The following MYRIP variants were observed in gnomAD, a reference collection of about 807,000 sequenced individuals.
The protein encoded by MYRIP is myosin VIIA and Rab interacting protein.
Under a neutral mutation model 98.0 loss-of-function variants are expected in MYRIP, and 49 were observed. The ratio of observed to expected loss-of-function variants is 0.50; its 90% confidence interval spans 0.40 to 0.63. The LOEUF (loss-of-function observed/expected upper bound fraction) is 0.63. Ranked by LOEUF, MYRIP falls within the 30% of genes least tolerant of loss-of-function variation. MYRIP has a pLI of 0.00. For synonymous variants in MYRIP, 404 were observed against 409.5 expected (o/e 0.99, Z 0.16); for missense variants, 1,004 against 1,058.2 (o/e 0.95, Z 0.71).
In MYRIP at chr3:39,975,129, T is replaced by C. The variant is rs137992007; in HGVS notation, c.111-68921T>C. Among the ~76,000 whole-genome samples, 1,218 of 152,284 alleles carry C rather than the reference T, an allele frequency of 8.0e-3. 16 individuals carry two copies. Among genetic ancestry groups the C allele is most frequent in the African/African-American group, 0.027 (1,139 of 41,558 alleles). On this transcript the variant is annotated intron_variant, in intron 2 of 16. Coordinates refer to ENST00000302541, the MANE Select transcript of MYRIP (RefSeq NM_015460.4). ...TTGTCCCTGTTTGCAGATGACATGA[T>C]TGTATGTCTAGAAAACCCCATCGTC...
rs150649283 is a variant in MYRIP at position 39,875,126 on chromosome 3, T to C, written c.-30-25661T>C. Among the ~76,000 whole-genome samples, 1,407 of 152,256 alleles carry C rather than the reference T, an allele frequency of 9.2e-3. 26 individuals are homozygous for C. The highest frequency in any genetic ancestry group is 0.032 in the African/African-American group (1,330 of 41,562). On this transcript the variant is annotated intron_variant, in intron 1 of 16. Coordinates refer to ENST00000302541, the MANE Select transcript of MYRIP (RefSeq NM_015460.4). ...TCTTCTAGATTTTCTAATTTATTTG[T>C]GTAAAGGTGTTTGTAGTATTCTCTG... is the stretch of plus-strand genomic sequence containing the variant.
intron 2 of MYRIP, among the ~76,000 whole-genome samples, chr3:39,916,733 A>G (rs1944170819): frequency 6.6e-6 from 1 of 152,148 alleles, no homozygotes; most frequent in Non-Finnish European, 1.5e-5. Context: ...TAAATCATTT[A>G]GCTTTCATCT....
chr3:39,987,422 G>C (rs555317609), intron 2 of MYRIP, among the ~76,000 whole-genome samples: 12 of 152,244 alleles, frequency 7.9e-5, no homozygotes, highest in African/African-American at 1.2e-4. Context: ...GGGCATTTGG[G>C]TTGGCTCTAT....
intron 5 of MYRIP, among the ~76,000 whole-genome samples, chr3:40,165,229 C>T (rs766164112): frequency 1.2e-4 from 19 of 152,206 alleles, no homozygotes; most frequent in Non-Finnish European, 1.8e-4. Flanking sequence ...GTTGCCCCTA[C>T]GTGGCTCTAT....
chr3:40,224,712 A>G (rs1265281791), intron 11 of MYRIP, among the ~76,000 whole-genome samples: 1 of 152,264 alleles, frequency 6.6e-6, no homozygotes, highest in East Asian at 1.9e-4. Flanking sequence ...TTTCTTTTAT[A>G]GATGGCCTTG....
intron 2 of MYRIP, among the ~76,000 whole-genome samples, chr3:39,911,867 C>G (rs1242049885): frequency 6.6e-6 from 1 of 152,186 alleles, no homozygotes; most frequent in East Asian, 1.9e-4. Flanking sequence ...GCCTTCCCCT[C>G]CTTACTCAGC....
chr3:39,872,013 A>G (rs998307060), intron 1 of MYRIP, among the ~76,000 whole-genome samples: 1 of 152,014 alleles, frequency 6.6e-6, no homozygotes, highest in Non-Finnish European at 1.5e-5. Context: ...TATTTAAGAT[A>G]TTTTTGTATC....
chr3:40,089,149 C>T (rs1391771307), intron 3 of MYRIP, among the ~76,000 whole-genome samples: 4 of 152,058 alleles, frequency 2.6e-5, no homozygotes, highest in Admixed American at 1.3e-4. Context: ...TACAGCACAC[C>T]TAGGACTCCA....
intron 2 of MYRIP, among the ~76,000 whole-genome samples, chr3:39,957,132 C>G (rs1457516584): frequency 6.6e-6 from 1 of 151,802 alleles, no homozygotes; most frequent in African/African-American, 2.4e-5. Flanking sequence ...CCTTCTGAAA[C>G]TATTCCAATC....
intron 3 of MYRIP, among the ~76,000 whole-genome samples, chr3:40,100,850 C>T (rs1216971576): frequency 6.6e-6 from 1 of 152,154 alleles, no homozygotes; most frequent in Non-Finnish European, 1.5e-5. Flanking sequence ...CCAGGAGGGA[C>T]ATTAAGAGAT....
chr3:39,925,464 T>G (rs951953666), intron 2 of MYRIP, among the ~76,000 whole-genome samples: 6 of 151,972 alleles, frequency 3.9e-5, no homozygotes, highest in South Asian at 2.1e-4. Context: ...AATAGGGAAT[T>G]TTTCAGCCAT....
At position 40,222,832 on chromosome 3, in the gene MYRIP, C is replaced by T. The variant is rs377636287; in HGVS notation, c.1906-11027C>T. ...ACAGTTAAATGCAAAATAAAAAATC[C>T]GTTTTATTCAAAGAAAATATTCCTA... On this transcript the variant is annotated intron_variant, in intron 11 of 16. Transcript: ENST00000302541. Among the ~76,000 whole-genome samples, 7 of 152,176 alleles carry T rather than the reference C, an allele frequency of 4.6e-5. No individual in the cohort carries two copies. In the South Asian group the frequency reaches 6.2e-4, roughly 14 times the overall value.
intron 2 of MYRIP, among the ~76,000 whole-genome samples, chr3:39,944,701 G>A (rs1295115813): frequency 6.6e-6 from 1 of 152,076 alleles, no homozygotes; most frequent in Admixed American, 6.6e-5. Flanking sequence ...TTTGCAAATG[G>A]AAGCTAAGAA....
intron 3 of MYRIP, among the ~76,000 whole-genome samples, chr3:40,134,245 C>A (rs11713365): frequency 0.22 from 33,153 of 152,230 alleles, 4,309 homozygotes; most frequent in South Asian, 0.37. Context: ...TATCCCGCAC[C>A]TGGCTCGGAG....
chr3:39,855,500 CTTCCTGCGGCCACTA>C (rs1318282451), intron 1 of MYRIP, among the ~76,000 whole-genome samples: 1 of 152,064 alleles, frequency 6.6e-6, no homozygotes, highest in Non-Finnish European at 1.5e-5. Flanking sequence ...TTGGACGGGG[CTTCCTGCGGCCACTA>C]TGGGGTGTGA....
chr3:40,068,764 C>T (rs945443795), intron 3 of MYRIP, among the ~76,000 whole-genome samples: 3 of 152,176 alleles, frequency 2.0e-5, no homozygotes, highest in Non-Finnish European at 4.4e-5. Context: ...AGTTCTAACC[C>T]GTTTCCCCAT....
intron 1 of MYRIP, among the ~76,000 whole-genome samples, chr3:39,825,164 T>C (rs886683853): frequency 6.6e-6 from 1 of 152,220 alleles, no homozygotes; most frequent in African/African-American, 2.4e-5. Context: ...CTTTTTCTTT[T>C]CTATTTGGAT....
In MYRIP at chr3:40,190,033, C is replaced by G. The variant is rs749499762; in HGVS notation, c.1235C>G (p.Pro412Arg). The change falls in exon 10 of 17, where the codon CCC (proline) becomes CGC (arginine). Residue 412 changes from proline to arginine, a missense_variant. By Grantham distance (103) the Pro-to-Arg change is moderately radical (BLOSUM62 -2). Around this residue, in one of 3 missense-constraint regions of MYRIP, gnomAD observed 880 missense variants for 907.7 expected, o/e 0.97. Transcript: ENST00000302541. Reference protein sequence around the residue: ...DWSEALSKLCPRSRALPRNPQ... With the variant: ...DWSEALSKLCRRSRALPRNPQ... ...AGTGAGGCCTTGAGCAAGCTGTGTC[C>G]CAGGTCCCGGGCCCTGCCCAGGAAC... 6.2e-7 allele frequency: 1 copy of G among 1,614,072 alleles called. No homozygotes were observed. Among genetic ancestry groups the G allele is most frequent in the South Asian group, 1.1e-5 (1 of 91,072 alleles).
intron 10 of MYRIP, among the ~76,000 whole-genome samples, chr3:40,207,204 C>A (rs1559453743): frequency 6.6e-6 from 1 of 152,222 alleles, no homozygotes; most frequent in Non-Finnish European, 1.5e-5. Context: ...CACTTCTGAA[C>A]CTTATCCCTC....
Sources: gnomAD v4.1 joint callset for allele counts (sites outside exome capture counted in the v4.1 genomes callset) on GRCh38, gnomAD v4.1.1 for gene constraint, gnomAD v4.1.1 regional missense constraint, MANE v1.5 for transcripts, NCBI Gene and HGNC (gene_info 2026-07-23, HGNC 2026-07-21) for gene names.